FSTL5: variants seen among roughly 807,000 people sequenced by gnomAD.
FSTL5 encodes follistatin like 5, also known as follistatin-related protein 5.
FSTL5 carries 62 observed loss-of-function variants against 89.1 expected under a neutral mutation model. The observed-to-expected ratio is 0.70, with a 90% confidence interval of 0.57 to 0.86. The LOEUF (loss-of-function observed/expected upper bound fraction) is 0.86. FSTL5 is among the 40% of genes least tolerant of loss of function. The pLI, the probability that FSTL5 is intolerant of heterozygous loss-of-function variation, is 0.00. For missense variants in FSTL5, 1,057 were observed against 1,001.6 expected, an observed-to-expected ratio of 1.06 and a Z score of -0.75; for synonymous variants, 383 against 346.2, an observed-to-expected ratio of 1.11 and a Z score of -1.18.
At chr4:161,631,720 T>C (rs1038994063) in intron 7 of FSTL5, among the ~76,000 whole-genome samples, 2 of 152,230 alleles carry the variant, frequency 1.3e-5, no homozygotes, top group African/African-American at 2.4e-5. Context: ...CAGGGTGCCA[T>C]AGAACCTCTT....
intron 6 of FSTL5, among the ~76,000 whole-genome samples, chr4:161,713,897 C>A (rs1738886943): frequency 6.6e-6 from 1 of 152,032 alleles, no homozygotes; most frequent in African/African-American, 2.4e-5. Flanking sequence ...CATTCTAATT[C>A]TTTGACATCT....
At chr4:161,665,385 T>C (rs1038870881) in intron 6 of FSTL5, among the ~76,000 whole-genome samples, 17 of 151,944 alleles carry the variant, frequency 1.1e-4, no homozygotes, top group Non-Finnish European at 2.4e-4. Context: ...AGGCGCCCGC[T>C]ACCTCGCCTG....
intron 4 of FSTL5, among the ~76,000 whole-genome samples, chr4:161,805,871 C>A (rs902715767): frequency 2.0e-5 from 3 of 152,010 alleles, no homozygotes; most frequent in Non-Finnish European, 2.9e-5. Flanking sequence ...CCATGGTAAA[C>A]CCTTGTCCAA....
intron 2 of FSTL5, among the ~76,000 whole-genome samples, chr4:162,067,498 C>T (rs528754699): frequency 2.6e-5 from 4 of 151,942 alleles, no homozygotes; most frequent in Non-Finnish European, 4.4e-5. Context: ...GGGTATATAC[C>T]CAGTAATGGG....
chr4:162,114,499 T>C (rs1319708038), intron 1 of FSTL5, among the ~76,000 whole-genome samples: 3 of 149,966 alleles, frequency 2.0e-5, no homozygotes, highest in Admixed American at 1.4e-4. Flanking sequence ...TTTCTCTCTC[T>C]CTTCTTCCCT....
intron 7 of FSTL5, among the ~76,000 whole-genome samples, chr4:161,589,874 C>A (rs1733746358): frequency 6.6e-6 from 1 of 151,864 alleles, no homozygotes. Context: ...TCTAGCTGCA[C>A]ATAAGACTCT....
chr4:161,556,126 A>G (rs1157866105), intron 8 of FSTL5, among the ~76,000 whole-genome samples: 1 of 151,600 alleles, frequency 6.6e-6, no homozygotes, highest in Non-Finnish European at 1.5e-5. Flanking sequence ...AACACATTTT[A>G]AACAGATCAA....
intron 3 of FSTL5, among the ~76,000 whole-genome samples, chr4:162,021,111 A>T (rs1413889589): frequency 3.3e-5 from 5 of 152,092 alleles, no homozygotes; most frequent in Non-Finnish European, 4.4e-5. Flanking sequence ...GAATCCTGGC[A>T]TCTAAATTAT....
intron 6 of FSTL5, among the ~76,000 whole-genome samples, chr4:161,683,751 A>C (rs747615153): frequency 6.6e-6 from 1 of 152,110 alleles, no homozygotes; most frequent in Non-Finnish European, 1.5e-5. Flanking sequence ...AAAATTAATT[A>C]TATTTATTTC....
chr4:161,783,748 C>CTT (rs1482958386), intron 4 of FSTL5, among the ~76,000 whole-genome samples: 1 of 99,020 alleles, frequency 1.0e-5, no homozygotes, highest in African/African-American at 4.0e-5. Context: ...TTCTTTCTTT[C>CTT]TTTCTTTCTT....
intron 4 of FSTL5, among the ~76,000 whole-genome samples, chr4:161,916,679 T>C (rs1289119032): frequency 6.6e-6 from 1 of 152,062 alleles, no homozygotes; most frequent in Admixed American, 6.5e-5. Flanking sequence ...AGGTATATTG[T>C]TTATTTTATC....
intron 4 of FSTL5, among the ~76,000 whole-genome samples, chr4:161,876,271 A>G (rs1222411787): frequency 2.6e-5 from 4 of 152,238 alleles, no homozygotes; most frequent in Non-Finnish European, 5.9e-5. Context: ...TATTTTGTAG[A>G]ATATGCATAC....
intron 7 of FSTL5, among the ~76,000 whole-genome samples, chr4:161,618,554 C>T (rs7675462): frequency 6.6e-6 from 1 of 150,702 alleles, no homozygotes; most frequent in Non-Finnish European, 1.5e-5. Context: ...ATTTTGTCAA[C>T]GGCCTTTTCT....
chr4:161,570,980 G>C (rs1481771600), intron 8 of FSTL5, among the ~76,000 whole-genome samples: 1 of 152,012 alleles, frequency 6.6e-6, no homozygotes, highest in Non-Finnish European at 1.5e-5. Flanking sequence ...CAGGCGTGGT[G>C]GTGGGTGCAT....
At chr4:161,535,884 C>CATCA (rs1731593130) in intron 10 of FSTL5, among the ~76,000 whole-genome samples, 1 of 152,004 alleles carries the variant, frequency 6.6e-6, no homozygotes, top group Non-Finnish European at 1.5e-5. Flanking sequence ...GGTAGATATA[C>CATCA]ATCATGGAAT....
intron 4 of FSTL5, among the ~76,000 whole-genome samples, chr4:161,794,639 A>T (rs1200038192): frequency 6.6e-6 from 1 of 152,044 alleles, no homozygotes; most frequent in Admixed American, 6.5e-5. Context: ...TCCCTTTAAC[A>T]TCCTTTTCCT....
chr4:161,955,940 A>G (rs1409144514), intron 3 of FSTL5, among the ~76,000 whole-genome samples: 3 of 151,640 alleles, frequency 2.0e-5, no homozygotes, highest in Non-Finnish European at 4.4e-5. Context: ...CTACCCTTCT[A>G]CACTCTCGGA....
At chr4:161,489,925 T>G (rs1371929160) in intron 12 of FSTL5, among the ~76,000 whole-genome samples, 1 of 152,108 alleles carries the variant, frequency 6.6e-6, no homozygotes, top group African/African-American at 2.4e-5. Context: ...GAATTTTTTT[T>G]GTACTTCAGT....
chr4:161,694,541 T>G (rs894620326), intron 6 of FSTL5, among the ~76,000 whole-genome samples: 1 of 152,122 alleles, frequency 6.6e-6, no homozygotes, highest in African/African-American at 2.4e-5. Context: ...CATAGTTTTC[T>G]TAAGCTCTTT....
Sources: allele counts gnomAD v4.1 joint callset (sites outside exome capture counted in the v4.1 genomes callset), GRCh38; gene constraint gnomAD v4.1.1; transcripts MANE v1.5; gene names NCBI Gene and HGNC (gene_info 2026-07-23, HGNC 2026-07-21).